The following CILK1 variants were observed in gnomAD, a reference collection of about 807,000 sequenced individuals.
The protein encoded by CILK1 is serine/threonine-protein kinase ICK.
Under a neutral mutation model 79.2 loss-of-function variants are expected in CILK1, and 47 were observed. That is an observed-to-expected ratio of 0.59 (90% confidence interval 0.47 to 0.76). The LOEUF (loss-of-function observed/expected upper bound fraction) is 0.76. Ranked by LOEUF, CILK1 falls within the 30% of genes least tolerant of loss-of-function variation. The probability of loss-of-function intolerance (pLI) is 0.00; values close to 1 mark genes in which losing one functional copy is unlikely to be tolerated. For missense variants in CILK1, 660 were observed against 769.5 expected (o/e 0.86, Z 1.68); for synonymous variants, 266 against 275.9 (o/e 0.96, Z 0.36).
intron 8 of CILK1, among the ~76,000 whole-genome samples, chr6:53,014,999 C>A (rs1038883800): frequency 6.6e-6 from 1 of 152,206 alleles, no homozygotes; most frequent in African/African-American, 2.4e-5. Flanking sequence ...AGCTTTCCAG[C>A]CCTTGAGCCA....
intron 1 of CILK1, chr6:53,060,997 C>G (rs1768400834): frequency 6.6e-6 from 1 of 152,222 alleles, no homozygotes; most frequent in Non-Finnish European, 1.5e-5. Context: ...TAGCACAGCT[C>G]CAGCAAAAGC....
At chr6:53,050,819 C>T (rs984936227) in intron 1 of CILK1, among the ~76,000 whole-genome samples, 39 of 152,024 alleles carry the variant, frequency 2.6e-4, no homozygotes, top group African/African-American at 9.2e-4. Context: ...CAGAGCGAGA[C>T]CCTGTCTCAA....
At chr6:53,005,390 G>A (rs1764162865) in intron 13 of CILK1, 87 bp from the exon 14 acceptor site, 6 of 1,403,640 alleles carry the variant, frequency 4.3e-6, no homozygotes, top group African/African-American at 1.4e-5. Flanking sequence ...ACAAAAACAT[G>A]AGAAAATAAG....
chr6:53,017,176 A>G (rs912308029), intron 7 of CILK1, among the ~76,000 whole-genome samples: 3 of 152,192 alleles, frequency 2.0e-5, no homozygotes. Flanking sequence ...TTTCTTGAAG[A>G]GGTGGCATTA....
chr6:53,011,825 G>A lies in CILK1; in HGVS notation c.1436C>T (p.Pro479Leu), dbSNP rs1486425843. Residue 479 changes from proline to leucine, a missense_variant, in exon 11 of 14, where the codon CCC (proline) becomes CTC (leucine). Physicochemically the swap from Pro to Leu is moderately conservative, Grantham distance 98. Transcript: ENST00000676107. ...TQTSYQRRDT[P>L]TLRSAAKQHY... ...CTGCTTGGCTGCAGATCTCAGGGTG[G>A]GCGTGTCTCGCCGCTGATATGACGT... is the stretch of plus-strand genomic sequence containing the variant. 6.2e-7 allele frequency: 1 copy of A among 1,614,106 alleles called. No individual in the cohort carries two copies. Among genetic ancestry groups the A allele is most frequent in the Non-Finnish European group, 8.5e-7 (1 of 1,179,996 alleles).
chr6:53,040,417 A>C (rs1766623916), intron 2 of CILK1, among the ~76,000 whole-genome samples: 1 of 152,230 alleles, frequency 6.6e-6, no homozygotes, highest in Non-Finnish European at 1.5e-5. Flanking sequence ...ATGGCAAGGA[A>C]CTGAGGGCAG....
intron 8 of CILK1, among the ~76,000 whole-genome samples, chr6:53,015,384 G>T (rs1764832248): frequency 6.6e-6 from 1 of 152,164 alleles, no homozygotes. Flanking sequence ...GGATGGATTG[G>T]GAAAGGAGCT....
intron 1 of CILK1, among the ~76,000 whole-genome samples, chr6:53,058,204 T>A (rs1768069802): frequency 6.6e-6 from 1 of 152,160 alleles, no homozygotes; most frequent in South Asian, 2.1e-4. Flanking sequence ...AGTAGTAGTT[T>A]TTCCTAATAT....
chr6:53,019,489 C>A, intron 5 of CILK1, 130 bp from the exon 6 acceptor site: 2 of 904,526 alleles, frequency 2.2e-6, no homozygotes, highest in Non-Finnish European at 1.7e-6. Flanking sequence ...AGGCTTTATG[C>A]ATTCATCCCA....
Position 53,013,747 on chromosome 6 carries a change from G to A in CILK1, c.1067C>T (p.Ser356Phe), listed in dbSNP as rs1764726098. The change falls in exon 9 of 14, where the codon TCC becomes TTC. Residue 356 changes from serine (S) to phenylalanine (F), a missense_variant. By Grantham distance (155) the Ser-to-Phe change is radical. Coordinates refer to ENST00000676107, the MANE Select transcript of CILK1 (RefSeq NM_014920.5). Reference protein sequence around the residue: ...HLTYPYKAEVSRTDHPSHLQE... With the variant: ...HLTYPYKAEVFRTDHPSHLQE... ...GAGATGGCTTGGGTGATCTGTCCTG[G>A]AGACCTCTGCTTTGTAGGGGTACGT... 31 of 1,614,172 alleles carry A rather than the reference G, an allele frequency of 1.9e-5. No individual in the cohort carries two copies. Among genetic ancestry groups the A allele is most frequent in the Non-Finnish European group, 2.6e-5 (31 of 1,180,036 alleles).
rs1022626406 is a variant in CILK1 at position 53,023,913 on chromosome 6, T to A, written c.359-4554A>T. ...ATTACAGAGCCTAGAACCCAGTAAA[T>A]ACAGAAGGGGATGAAGGTATAGAAG... On this transcript the variant is annotated intron_variant, in intron 5 of 13. Transcript: ENST00000676107. Among the ~76,000 whole-genome samples the A allele has an allele frequency of 3.9e-5, 6 of 152,112 alleles. No individual in the cohort carries two copies. The South Asian group carries it at 1.2e-3, about 32-fold the overall frequency.
At chr6:53,029,207 C>A (rs1765767336) in intron 5 of CILK1, among the ~76,000 whole-genome samples, 1 of 152,102 alleles carries the variant, frequency 6.6e-6, no homozygotes, top group African/African-American at 2.4e-5. Context: ...CCATTGAATT[C>A]TCATTATTTC....
intron 1 of CILK1, among the ~76,000 whole-genome samples, chr6:53,046,339 A>C (rs1466014522): frequency 6.6e-6 from 1 of 152,182 alleles, no homozygotes; most frequent in Non-Finnish European, 1.5e-5. Flanking sequence ...TCAGTTATTA[A>C]TAATAAAGCC....
At chr6:53,052,007 G>A (rs1304435146) in intron 1 of CILK1, 1 of 152,158 alleles carries the variant, frequency 6.6e-6, no homozygotes, top group Non-Finnish European at 1.5e-5. Flanking sequence ...ATGCCATGGA[G>A]GTTTGCTGCA....
At chr6:53,050,580 C>G in intron 1 of CILK1, among the ~76,000 whole-genome samples, 1 of 151,958 alleles carries the variant, frequency 6.6e-6, no homozygotes, top group East Asian at 1.9e-4. Context: ...AATCCTAGCA[C>G]TTTGGGAGGC....
At position 53,011,920 on chromosome 6, in the gene CILK1, GA is replaced by G. The variant is rs750113154; in HGVS notation, c.1344-4del. ...TCAGGTCCAAAACACTCTCAAACCT[GA>G]ATGAAGAGAGCATGGCTTGGGTCAG... On this transcript the variant is annotated splice_polypyrimidine_tract_variant and splice_region_variant and intron_variant, in intron 10 of 13. Coordinates refer to ENST00000676107, the MANE Select transcript of CILK1 (RefSeq NM_014920.5). 6.2e-7 allele frequency: 1 copy of G among 1,614,158 alleles called. No individual in the cohort carries two copies. The highest frequency in any genetic ancestry group is 8.5e-7 in the Non-Finnish European group (1 of 1,180,036).
intron 12 of CILK1, among the ~76,000 whole-genome samples, chr6:53,007,437 G>C (rs1297143529): frequency 1.3e-5 from 2 of 152,194 alleles, no homozygotes; most frequent in East Asian, 1.9e-4. Context: ...AAGAAAAGAT[G>C]ATGAACCTCA....
chr6:53,007,786 A>G (rs1425299641), intron 12 of CILK1, among the ~76,000 whole-genome samples: 1 of 151,364 alleles, frequency 6.6e-6, no homozygotes, highest in Non-Finnish European at 1.5e-5. Flanking sequence ...AAAAAAAAAA[A>G]AAAATTAGCT....
intron 11 of CILK1, among the ~76,000 whole-genome samples, chr6:53,010,233 C>A (rs571516363): frequency 5.9e-5 from 9 of 152,318 alleles, no homozygotes; most frequent in African/African-American, 1.9e-4. Flanking sequence ...GCCTGTCAGG[C>A]CAATCTTCTA....
Sources: allele counts gnomAD v4.1 joint callset (sites outside exome capture counted in the v4.1 genomes callset), GRCh38; gene constraint gnomAD v4.1.1; transcripts MANE v1.5; gene names NCBI Gene and HGNC (gene_info 2026-07-23, HGNC 2026-07-21).